NKAIN3: variants seen among roughly 807,000 people sequenced by gnomAD.
The protein encoded by NKAIN3 is sodium/potassium transporting ATPase interacting 3.
NKAIN3 carries 25 observed loss-of-function variants against 30.2 expected under a neutral mutation model. That is an observed-to-expected ratio of 0.83 (90% confidence interval 0.60 to 1.16). The LOEUF (loss-of-function observed/expected upper bound fraction) is 1.16. Ranked by LOEUF, NKAIN3 falls within the 50% of genes most tolerant of loss-of-function variation. The probability of loss-of-function intolerance (pLI) is 0.00; values close to 1 mark genes in which losing one functional copy is unlikely to be tolerated. For missense variants in NKAIN3, 225 were observed against 254.1 expected (o/e 0.89, Z 0.78); for synonymous variants, 91 against 89.6 (o/e 1.02, Z -0.09).
intron 1 of NKAIN3, among the ~76,000 whole-genome samples, chr8:62,512,019 A>G (rs1407455137): frequency 1.3e-5 from 2 of 152,142 alleles, no homozygotes; most frequent in African/African-American, 4.8e-5. Flanking sequence ...TGATGTTTTT[A>G]TTCCCACTAT....
At chr8:62,869,121 A>T (rs1413463213) in intron 4 of NKAIN3, among the ~76,000 whole-genome samples, 1 of 152,204 alleles carries the variant, frequency 6.6e-6, no homozygotes, top group Non-Finnish European at 1.5e-5. Flanking sequence ...AGAAATGGTG[A>T]TTCTAAAGAA....
intron 1 of NKAIN3, among the ~76,000 whole-genome samples, chr8:62,530,328 A>C (rs1412670128): frequency 3.3e-5 from 5 of 152,136 alleles, no homozygotes; most frequent in African/African-American, 9.7e-5. Context: ...GAACTTAATC[A>C]CAACTCATAG....
At chr8:62,708,654 A>G (rs1272134770) in intron 3 of NKAIN3, among the ~76,000 whole-genome samples, 2 of 152,140 alleles carry the variant, frequency 1.3e-5, no homozygotes, top group South Asian at 2.1e-4. Flanking sequence ...GTAAATGATC[A>G]TATCCTCAGC....
intron 1 of NKAIN3, among the ~76,000 whole-genome samples, chr8:62,299,797 T>C (rs766950983): frequency 6.6e-6 from 1 of 152,172 alleles, no homozygotes; most frequent in African/African-American, 2.4e-5. Flanking sequence ...TTTAACAATA[T>C]GTGAACACGG....
chr8:62,971,326 C>T lies in NKAIN3; in HGVS notation c.*5919C>T, dbSNP rs1479028580. Among the ~76,000 whole-genome samples the T allele has an allele frequency of 6.6e-6, 1 of 152,166 alleles. No homozygotes were observed. The highest frequency in any genetic ancestry group is 6.5e-5 in the Admixed American group (1 of 15,276). On this transcript the variant is annotated 3_prime_UTR_variant, in exon 7 of 7. Coordinates refer to ENST00000623646, the MANE Select transcript of NKAIN3 (RefSeq NM_001304533.3). ...GTATTATAGTCTTTATTCTTAATGA[C>T]TTTATGCTTAACTAAAAAGTAAGAG...
At chr8:62,782,112 A>G (rs530513588) in intron 4 of NKAIN3, among the ~76,000 whole-genome samples, 2 of 152,074 alleles carry the variant, frequency 1.3e-5, no homozygotes, top group Non-Finnish European at 2.9e-5. Context: ...TGGAAAAAAG[A>G]CATGAATAGA....
intron 3 of NKAIN3, among the ~76,000 whole-genome samples, chr8:62,635,871 C>A (rs1812111242): frequency 6.6e-6 from 1 of 152,178 alleles, no homozygotes; most frequent in South Asian, 2.1e-4. Flanking sequence ...ATATTGTTGT[C>A]TCTTAATGAT....
At chr8:62,706,615 TGTAA>T (rs958552672) in intron 3 of NKAIN3, among the ~76,000 whole-genome samples, 2 of 152,128 alleles carry the variant, frequency 1.3e-5, no homozygotes, top group African/African-American at 4.8e-5. Context: ...CTATCATTTT[TGTAA>T]GTATGTCCCA....
chr8:62,518,885 C>G (rs186338485), intron 1 of NKAIN3, among the ~76,000 whole-genome samples: 2 of 152,022 alleles, frequency 1.3e-5, no homozygotes, highest in African/African-American at 4.8e-5. Flanking sequence ...TTAGAAGTGG[C>G]GTTAATGCCT....
At chr8:62,859,475 C>A (rs990496962) in intron 4 of NKAIN3, among the ~76,000 whole-genome samples, 1 of 111,744 alleles carries the variant, frequency 8.9e-6, no homozygotes. Flanking sequence ...TTCTTAGTAA[C>A]CCAGATAACT....
intron 4 of NKAIN3, among the ~76,000 whole-genome samples, chr8:62,839,227 C>CT (rs60881054): frequency 0.6 from 91,038 of 150,612 alleles, 28,304 homozygotes; most frequent in Non-Finnish European, 0.7. Flanking sequence ...GCTTAATTTT[C>CT]TTTTTTCAAC....
At chr8:62,721,099 A>G (rs1480717681) in intron 3 of NKAIN3, among the ~76,000 whole-genome samples, 1 of 152,152 alleles carries the variant, frequency 6.6e-6, no homozygotes, top group Non-Finnish European at 1.5e-5. Flanking sequence ...TACTCTATTC[A>G]TTACTTTTTA....
chr8:62,865,153 C>T (rs573172676), intron 4 of NKAIN3, among the ~76,000 whole-genome samples: 182 of 152,248 alleles, frequency 1.2e-3, no homozygotes, highest in African/African-American at 4.2e-3. Context: ...CAAGCTGAAA[C>T]CCTGGTGCCC....
chr8:62,298,803 A>G (rs563262303), intron 1 of NKAIN3, among the ~76,000 whole-genome samples: 2 of 149,634 alleles, frequency 1.3e-5, no homozygotes, highest in African/African-American at 5.0e-5. Flanking sequence ...AGCTATTAAC[A>G]TATATATTAA....
intron 3 of NKAIN3, among the ~76,000 whole-genome samples, chr8:62,651,319 T>A (rs941646074): frequency 5.9e-5 from 9 of 152,296 alleles, no homozygotes; most frequent in Middle Eastern, 6.8e-3. Context: ...ATTATTTGAT[T>A]GCTAAAGAAA....
chr8:62,375,584 A>G (rs1207001629), intron 1 of NKAIN3, among the ~76,000 whole-genome samples: 2 of 152,192 alleles, frequency 1.3e-5, no homozygotes, highest in Non-Finnish European at 2.9e-5. Flanking sequence ...TACTACTATT[A>G]TATTTAGGAC....
intron 4 of NKAIN3, among the ~76,000 whole-genome samples, chr8:62,860,621 A>G (rs1435111453): frequency 6.6e-6 from 1 of 152,192 alleles, no homozygotes. Context: ...TCTTCCTGCT[A>G]AACAAGTTCC....
At chr8:62,668,395 G>A (rs555679996) in intron 3 of NKAIN3, among the ~76,000 whole-genome samples, 21 of 152,216 alleles carry the variant, frequency 1.4e-4, no homozygotes, top group African/African-American at 5.1e-4. Context: ...ACTGATAAAA[G>A]GAACAATGGA....
chr8:62,484,191 T>A (rs1193480909), intron 1 of NKAIN3, among the ~76,000 whole-genome samples: 1 of 152,146 alleles, frequency 6.6e-6, no homozygotes. Context: ...ACTGGACTCA[T>A]CTCTTGTCAC....
Sources: gnomAD v4.1 joint callset for allele counts (sites outside exome capture counted in the v4.1 genomes callset) on GRCh38, gnomAD v4.1.1 for gene constraint, MANE v1.5 for transcripts, NCBI Gene and HGNC (gene_info 2026-07-23, HGNC 2026-07-21) for gene names.